EXOC3L4: variants seen among roughly 807,000 people sequenced by gnomAD.
The protein encoded by EXOC3L4 is exocyst complex component 3-like protein 4.
A neutral mutation model predicts 69.7 loss-of-function variants in EXOC3L4; 62 were observed. The ratio of observed to expected loss-of-function variants is 0.89; its 90% CI spans 0.72 to 1.10. The LOEUF is 1.10. EXOC3L4 is among the 50% of genes least tolerant of loss of function. The probability of loss-of-function intolerance (pLI) is 0.00; values close to 1 mark genes in which losing one functional copy is unlikely to be tolerated. For synonymous variants in EXOC3L4, 502 were observed against 464.2 expected (o/e 1.08, Z -1.05); for missense variants, 1,087 against 1,034.8 (o/e 1.05, Z -0.69).
intron 5 of EXOC3L4, 169 bp downstream of exon 5, chr14:103,104,558 G>C: frequency 1.5e-6 from 2 of 1,297,896 alleles, no homozygotes; most frequent in South Asian, 1.7e-5. Flanking sequence ...CCGACGGGCA[G>C]GGAGGCTGCT....
rs553211324 is a variant in EXOC3L4, at chr14:103,110,077, C to T, written c.2023C>T (p.Gln675Ter). 2.3e-5 allele frequency: 37 copies of T among 1,600,684 alleles called. No homozygotes were observed. Among genetic ancestry groups the T allele is most frequent in the South Asian group, 9.0e-5 (8 of 89,072 alleles). Reference protein sequence around the residue: ...AILALRRLGRQRNQHLLQHTQ... With the variant: ...AILALRRLGR ...TCTGGCGCTGCGCCGACTGGGCCGC[C>T]AGCGGAACCAGCATCTCTTGCAGCA... The change falls in exon 12 of 12, where the codon CAG becomes TAG. Residue 675 changes from glutamine to a stop codon, truncating the protein, a stop_gained. Transcript: ENST00000688303. LOFTEE classifies it low-confidence loss of function (END_TRUNC).
At chr14:103,103,445 C>T (rs1890336282) in intron 3 of EXOC3L4, 1 of 156,894 alleles carries the variant, frequency 6.4e-6, no homozygotes, top group Non-Finnish European at 1.4e-5. Flanking sequence ...CAGGGTACAG[C>T]CTGCGGGGAG....
chr14:103,099,332 G>T (rs537882499), intron 1 of EXOC3L4, among the ~76,000 whole-genome samples: 2 of 152,052 alleles, frequency 1.3e-5, no homozygotes, highest in South Asian at 4.2e-4. Context: ...GGCAGGCCAC[G>T]GTGCCGAGGG....
chr14:103,107,162 G>T (rs1483011633), intron 8 of EXOC3L4, among the ~76,000 whole-genome samples: 1 of 152,152 alleles, frequency 6.6e-6, no homozygotes, highest in Admixed American at 6.5e-5. Flanking sequence ...CCAGGCCCAG[G>T]GTCCTCACCC....
chr14:103,095,660 C>T (rs561596013), intron 1 of EXOC3L4, among the ~76,000 whole-genome samples: 6 of 152,252 alleles, frequency 3.9e-5, no homozygotes, highest in East Asian at 1.9e-4. Flanking sequence ...GTGCTTCTTC[C>T]GAGGGCAGCA....
At chr14:103,099,099 G>A (rs1279354933) in intron 1 of EXOC3L4, among the ~76,000 whole-genome samples, 2 of 152,192 alleles carry the variant, frequency 1.3e-5, no homozygotes, top group Non-Finnish European at 2.9e-5. Context: ...TTTGGTCCTG[G>A]CACCTGGGTG....
chr14:103,105,814 T>C (rs575060668), intron 7 of EXOC3L4, among the ~76,000 whole-genome samples: 11 of 152,328 alleles, frequency 7.2e-5, no homozygotes, highest in African/African-American at 2.6e-4. Flanking sequence ...AGCCTCCCCA[T>C]CTGGGTTTAT....
At chr14:103,100,657 C>CT in intron 2 of EXOC3L4, 44 bp downstream of exon 2, 1 of 1,557,596 alleles carries the variant, frequency 6.4e-7, no homozygotes, top group Non-Finnish European at 8.7e-7. Context: ...GGAAACGGGC[C>CT]AGAGGTCAGG....
intron 3 of EXOC3L4, among the ~76,000 whole-genome samples, chr14:103,103,298 T>C (rs1233012495): frequency 7.4e-6 from 1 of 135,842 alleles, no homozygotes; most frequent in Non-Finnish European, 1.5e-5. Flanking sequence ...GAGGTTGCAG[T>C]GAGCCGAGGT....
At chr14:103,105,661 G>A (rs1377225369) in intron 7 of EXOC3L4, among the ~76,000 whole-genome samples, 1 of 152,066 alleles carries the variant, frequency 6.6e-6, no homozygotes, top group Non-Finnish European at 1.5e-5. Context: ...CTGCACCCTG[G>A]GCTTTGCTGG....
At chr14:103,095,081 G>A (rs1889831276) in intron 1 of EXOC3L4, among the ~76,000 whole-genome samples, 1 of 152,230 alleles carries the variant, frequency 6.6e-6, no homozygotes, top group Non-Finnish European at 1.5e-5. Flanking sequence ...TGCAGGCACA[G>A]ACACAGACTC....
At position 103,102,646 on chromosome 14, in the gene EXOC3L4, CGTGGGAG is replaced by C; in HGVS notation, c.926_932del (p.Trp309SerfsTer124). 1 of 1,500,084 alleles carries C rather than the reference CGTGGGAG, an allele frequency of 6.7e-7. No homozygotes were observed. The highest frequency in any genetic ancestry group is 8.8e-7 in the Non-Finnish European group (1 of 1,130,568). The allele number at this position is 1,500,084 out of a possible 1,614,324, so 92.9% of individuals were successfully genotyped here. On this transcript the variant is annotated frameshift_variant, in exon 3 of 12. Transcript: ENST00000688303. LOFTEE classifies it high-confidence loss of function. ...GCGTATGCGGCGGCCGGCTTCCCAG[CGTGGGAG>C]GTCTATCTGCGTGCCTTCCACAGCG... is the stretch of plus-strand genomic sequence containing the variant.
rs1303593964 is a variant in EXOC3L4, at chr14:103,100,372, C to T, written c.153C>T (p.Gly51=). The change falls in exon 2 of 12, where the codon GGC becomes GGT. Residue 51 remains glycine (G), a synonymous_variant. Coordinates refer to ENST00000688303, the MANE Select transcript of EXOC3L4 (RefSeq NM_001077594.2). The part of the protein sequence containing the change: ...HRKDGTRLGL[G]SLRQAFSRAS... Reference sequence around the variant, plus strand: ...AGGATGGCACAAGGCTGGGCCTGGGCTCCCTGAGGCAGGCCTTCTCCCGGG... The same window carrying T: ...AGGATGGCACAAGGCTGGGCCTGGGTTCCCTGAGGCAGGCCTTCTCCCGGG... 3.7e-6 allele frequency: 6 copies of T among 1,607,062 alleles called. No homozygotes were observed. The highest frequency in any genetic ancestry group is 1.6e-4 in the Middle Eastern group (1 of 6,068).
intron 1 of EXOC3L4, 94 bp from the exon 2 acceptor site, chr14:103,100,110 C>G (rs1026056114): frequency 1.5e-6 from 2 of 1,347,838 alleles, no homozygotes; most frequent in Non-Finnish European, 2.0e-6. Context: ...CTCTGGAGAG[C>G]CTTCCTTGAC....
In EXOC3L4 at chr14:103,104,075, G is replaced by A. The variant is rs545275144; in HGVS notation, c.1161+23G>A. On this transcript the variant is annotated intron_variant, in intron 4 of 11. Transcript: ENST00000688303. Reference sequence around the variant, plus strand: ...GAGGTCAGGCCGGGCGGGTCAGGCTGGGCGGGCCAGGCTGGAGGGGGCGGG... The same window carrying A: ...GAGGTCAGGCCGGGCGGGTCAGGCTAGGCGGGCCAGGCTGGAGGGGGCGGG... The A allele has an allele frequency of 1.8e-4, 274 of 1,529,582 alleles. 1 individual carries two copies. In the Middle Eastern group the frequency reaches 2.0e-3, roughly 11 times the overall value. The allele number at this position is 1,529,582 out of a possible 1,614,324, so 94.8% of individuals were successfully genotyped here.
At position 103,102,346 on chromosome 14, in the gene EXOC3L4, C is replaced by CGGCCGCGCT. The variant is rs778553720; in HGVS notation, c.629_637dup (p.Ala210_Ala212dup). On this transcript the variant is annotated inframe_insertion, in exon 3 of 12. Coordinates refer to ENST00000688303, the MANE Select transcript of EXOC3L4 (RefSeq NM_001077594.2). ...ACGCTGGACAGCGACGGTGTGGACG[C>CGGCCGCGCT]GGCCGCGCTGGCCGAGCTGGCCCGC... 13 of 1,561,592 alleles carry CGGCCGCGCT rather than the reference C, an allele frequency of 8.3e-6. No homozygotes were observed. In the African/African-American group the frequency reaches 1.8e-4, roughly 21 times the overall value.
Position 103,102,689 on chromosome 14 carries a change from G to A in EXOC3L4, c.966G>A (p.Gln322=), listed in dbSNP as rs1253534407. 2.0e-6 allele frequency: 3 copies of A among 1,479,346 alleles called. No homozygotes were observed. Among genetic ancestry groups the A allele is most frequent in the Non-Finnish European group, 2.7e-6 (3 of 1,120,290 alleles). 91.6% of individuals were successfully genotyped at this position (1,479,346 alleles called of 1,614,324 possible). Residue 322 remains glutamine (Q), a synonymous_variant, in exon 3 of 12, where the codon CAG becomes CAA. Coordinates refer to ENST00000688303, the MANE Select transcript of EXOC3L4 (RefSeq NM_001077594.2). Reference sequence around the variant, plus strand: ...GTGCCTTCCACAGCGCCGTGGCCCAGCGCCTCCAGGAGCTCGCGCGCGACG... The same window carrying A: ...GTGCCTTCCACAGCGCCGTGGCCCAACGCCTCCAGGAGCTCGCGCGCGACG... ...YLRAFHSAVA[Q]RLQELARDAR...
chr14:103,097,448 C>T lies in EXOC3L4; in HGVS notation c.-17+2608C>T, dbSNP rs566263260. On this transcript the variant is annotated intron_variant, in intron 1 of 11. Coordinates refer to ENST00000688303, the MANE Select transcript of EXOC3L4 (RefSeq NM_001077594.2). The surrounding 1 kb of genome is among the most constrained non-coding windows in gnomAD (Gnocchi z 4.9). ...GGGTGTGGGGAGGCAGGCACAGGGACAGGCCAGGCGAGAGCCTTGGGAGGT... is the reference window on the plus strand; with the variant it reads ...GGGTGTGGGGAGGCAGGCACAGGGATAGGCCAGGCGAGAGCCTTGGGAGGT... Among the ~76,000 whole-genome samples the T allele has an allele frequency of 9.9e-5, 15 of 152,218 alleles. No homozygotes were observed. The East Asian group carries it at 2.7e-3, about 28-fold the overall frequency.
rs1251318542 is a variant in EXOC3L4 at position 103,110,325 on chromosome 14, T to C, written c.*102T>C. ...TCACTCTGGGCCCTGCCCCCAACTCTGACACTGCAGTTAGGGAATTTTTGT... is the reference window on the plus strand; with the variant it reads ...TCACTCTGGGCCCTGCCCCCAACTCCGACACTGCAGTTAGGGAATTTTTGT... On this transcript the variant is annotated 3_prime_UTR_variant, in exon 12 of 12. Transcript: ENST00000688303. 9 of 1,342,764 alleles carry C rather than the reference T, an allele frequency of 6.7e-6. No individual in the cohort carries two copies. In the Admixed American group the frequency reaches 1.2e-4, roughly 18 times the overall value. 83.2% of individuals were successfully genotyped at this position (1,342,764 alleles called of 1,614,324 possible). A position where few individuals can be genotyped will look rare whatever the true frequency, so the allele number is the denominator to read the frequency against.
Sources: allele counts gnomAD v4.1 joint callset (sites outside exome capture counted in the v4.1 genomes callset), GRCh38; gene constraint gnomAD v4.1.1; non-coding constraint Gnocchi (gnomAD v3.1); transcripts MANE v1.5; gene names NCBI Gene and HGNC (gene_info 2026-07-23, HGNC 2026-07-21).